The following CRAMP1 variants were observed in gnomAD, a reference collection of about 807,000 sequenced individuals.
CRAMP1 encodes cramped chromatin regulator 1.
Under a neutral mutation model 115.4 loss-of-function variants are expected in CRAMP1, and 50 were observed. The observed-to-expected ratio is 0.43, with a 90% CI of 0.35 to 0.55. CRAMP1 has a LOEUF of 0.55. Ranked by LOEUF, CRAMP1 falls within the 20% of genes least tolerant of loss-of-function variation. The pLI is 0.01. For synonymous variants in CRAMP1, 866 were observed against 745.4 expected (o/e 1.16, Z -2.64); for missense variants, 1,679 against 1,721.7 (o/e 0.98, Z 0.44).
intron 2 of CRAMP1, among the ~76,000 whole-genome samples, chr16:1,618,378 T>G (rs777167156): frequency 1.3e-5 from 2 of 152,200 alleles, no homozygotes; most frequent in Non-Finnish European, 2.9e-5. Context: ...TGCATGCAGC[T>G]TCAAGATTAC....
At chr16:1,643,231 G>A (rs1308092903) in intron 6 of CRAMP1, among the ~76,000 whole-genome samples, 1 of 152,138 alleles carries the variant, frequency 6.6e-6, no homozygotes, top group Non-Finnish European at 1.5e-5. Flanking sequence ...CAGAGGGAAA[G>A]TGCCTTCTGG....
chr16:1,625,856 T>G, intron 2 of CRAMP1, 117 bp from the exon 3 acceptor site: 2 of 1,012,546 alleles, frequency 2.0e-6, no homozygotes, highest in Non-Finnish European at 2.9e-6. Context: ...GCATCCTCGG[T>G]TGAGGAGTGT....
At chr16:1,618,737 G>A (rs1416249452) in intron 2 of CRAMP1, among the ~76,000 whole-genome samples, 1 of 152,198 alleles carries the variant, frequency 6.6e-6, no homozygotes, top group African/African-American at 2.4e-5. Context: ...TCTCATAAGA[G>A]ATTGTACCTG....
intron 6 of CRAMP1, among the ~76,000 whole-genome samples, chr16:1,643,019 T>G (rs1285361695): frequency 2.0e-5 from 3 of 152,134 alleles, no homozygotes; most frequent in Non-Finnish European, 4.4e-5. Context: ...TGGAGACACT[T>G]GACAAACAAA....
intron 3 of CRAMP1, among the ~76,000 whole-genome samples, chr16:1,627,046 C>T (rs1419051205): frequency 2.0e-5 from 3 of 152,110 alleles, no homozygotes; most frequent in East Asian, 1.9e-4. Context: ...ATTCTGTTGT[C>T]GTAAGTAACG....
At position 1,656,619 on chromosome 16, in the gene CRAMP1, C is replaced by A; in HGVS notation, c.1862C>A (p.Pro621His). Residue 621 changes from proline (P) to histidine (H), a missense_variant, in exon 10 of 21, where the codon CCC (proline) becomes CAC (histidine). Coordinates refer to ENST00000397412, the MANE Select transcript of CRAMP1 (RefSeq NM_020825.4). This position sits in a 1 kb window ranked among gnomAD's most constrained non-coding sequence, Gnocchi z 5.6. The part of the protein sequence containing the change: ...APTGPSPRPG[P>H]GLLLDVCTKD... ...ACTGGCCCATCCCCGAGGCCCGGCC[C>A]CGGGCTCCTGCTGGATGTTTGCACT... is the stretch of plus-strand genomic sequence containing the variant. 1 of 1,575,638 alleles carries A rather than the reference C, an allele frequency of 6.3e-7. No individual in the cohort carries two copies. The highest frequency in any genetic ancestry group is 1.2e-5 in the South Asian group (1 of 85,914).
chr16:1,656,534 G>C lies in CRAMP1; in HGVS notation c.1777G>C (p.Gly593Arg). ...RPGSEQPPLG[G>R]AASPEVLAPV... ...TGGGAGCGAGCAGCCCCCTCTGGGC[G>C]GGGCGGCCTCCCCAGAGGTGCTGGC... Residue 593 changes from glycine to arginine, a missense_variant, in exon 10 of 21, where the codon GGG becomes CGG. Gly to Arg is a moderately radical substitution (Grantham distance 125). This residue lies in a region of CRAMP1 where 405 missense variants were observed against 302.6 expected (regional missense o/e 1.34). Transcript: ENST00000397412. The surrounding 1 kb of genome is among the most constrained non-coding windows in gnomAD (Gnocchi z 5.6). The C allele has an allele frequency of 8.3e-6, 13 of 1,558,288 alleles. No individual in the cohort carries two copies. The highest frequency in any genetic ancestry group is 1.1e-5 in the Non-Finnish European group (13 of 1,151,750).
chr16:1,676,949 C>T lies in CRAMP1; in HGVS notation c.*2904C>T, dbSNP rs1189864226. 2 of 152,344 alleles carry T rather than the reference C, an allele frequency of 1.3e-5. No individual in the cohort carries two copies. The highest frequency in any genetic ancestry group is 1.9e-4 in the East Asian group (1 of 5,198). 9.4% of individuals were successfully genotyped at this position (152,344 alleles called of 1,614,324 possible). A position where few individuals can be genotyped will look rare whatever the true frequency, so the allele number is the denominator to read the frequency against. On this transcript the variant is annotated 3_prime_UTR_variant, in exon 21 of 21. Transcript: ENST00000397412. ...TTCTGGGCATGAGAGGCCGTGGCCT[C>T]ATTTCTGGTGGATAACCTTTTTAGT...
intron 20 of CRAMP1, 139 bp downstream of exon 20, chr16:1,670,948 G>A (rs1276278004): frequency 2.7e-6 from 2 of 748,904 alleles, no homozygotes; most frequent in Non-Finnish European, 4.3e-6. Context: ...TCCACACTCA[G>A]GTCCCTGACT....
rs746413493 is a variant in CRAMP1, at chr16:1,656,572, G to A, written c.1815G>A (p.Lys605=). 9.6e-6 allele frequency: 15 copies of A among 1,558,546 alleles called. No individual in the cohort carries two copies. Among genetic ancestry groups the A allele is most frequent in the South Asian group, 7.1e-5 (6 of 84,652 alleles). Residue 605 remains lysine (K), a synonymous_variant, in exon 10 of 21, where the codon AAG becomes AAA. Transcript: ENST00000397412. The surrounding 1 kb of genome is among the most constrained non-coding windows in gnomAD (Gnocchi z 5.6). ...CAGAGGTGCTGGCTCCTGTCAGCAA[G>A]GAGGCTGCTGACCTTGCTCCCACTG... ...ASPEVLAPVS[K]EAADLAPTGP...
chr16:1,617,605 C>T (rs779842930), intron 2 of CRAMP1, among the ~76,000 whole-genome samples: 10 of 152,238 alleles, frequency 6.6e-5, no homozygotes, highest in Non-Finnish European at 1.5e-4. Flanking sequence ...AGCTCAATCA[C>T]TGGCAGTTCC....
chr16:1,623,415 C>G (rs546975165), intron 2 of CRAMP1, among the ~76,000 whole-genome samples: 10 of 152,382 alleles, frequency 6.6e-5, no homozygotes, highest in African/African-American at 2.2e-4. Context: ...TACTGTTTCA[C>G]TCTCCTTGTC....
intron 4 of CRAMP1, 32 bp from the exon 5 acceptor site, chr16:1,637,790 CCT>C (rs2142182996): frequency 1.6e-6 from 2 of 1,240,734 alleles, no homozygotes; most frequent in East Asian, 5.4e-5. Context: ...CTCCTGTTCC[CCT>C]CTCTAAAGCC....
chr16:1,654,229 G>A (rs1331569313), intron 8 of CRAMP1, among the ~76,000 whole-genome samples: 2 of 144,800 alleles, frequency 1.4e-5, no homozygotes, highest in South Asian at 2.2e-4. Context: ...TTTTTTTTCC[G>A]AGATGGAGTC....
chr16:1,616,446 C>G (rs1331132469), intron 2 of CRAMP1, among the ~76,000 whole-genome samples: 2 of 152,184 alleles, frequency 1.3e-5, no homozygotes, highest in Admixed American at 1.3e-4. Context: ...TACTTCACCC[C>G]GTTGAAGTGC....
intron 8 of CRAMP1, among the ~76,000 whole-genome samples, chr16:1,654,943 C>T (rs955589538): frequency 3.3e-5 from 5 of 152,270 alleles, no homozygotes; most frequent in South Asian, 4.1e-4. Context: ...CCAGCACCCA[C>T]GCCCACGCCC....
rs370490453 is a variant in CRAMP1, at chr16:1,641,251, A to G, written c.827+64A>G. 101 of 1,210,230 alleles carry G rather than the reference A, an allele frequency of 8.3e-5. 1 individual carries two copies. Among genetic ancestry groups the G allele is most frequent in the Non-Finnish European group, 1.2e-4 (94 of 815,996 alleles). The allele number at this position is 1,210,230 out of a possible 1,614,324, so 75.0% of individuals were successfully genotyped here. ...GTGTTTTGTGTTTATTCTCTAAAAT[A>G]CAGAAGCTGAAATGCTCTCAGTGAG... On this transcript the variant is annotated intron_variant, in intron 6 of 20. Transcript: ENST00000397412.
At chr16:1,648,758 G>A (rs1250391290) in intron 6 of CRAMP1, among the ~76,000 whole-genome samples, 3 of 151,744 alleles carry the variant, frequency 2.0e-5, no homozygotes, top group Non-Finnish European at 4.4e-5. Context: ...GGTTAAGGTG[G>A]TTTAAGAATT....
Position 1,612,418 on chromosome 16 carries a change from C to G in CRAMP1, c.-241C>G, listed in dbSNP as rs1410217370. On this transcript the variant is annotated 5_prime_UTR_variant, in exon 1 of 21. Coordinates refer to ENST00000397412, the MANE Select transcript of CRAMP1 (RefSeq NM_020825.4). ...TGCTGAGGGCGGCGGGCCGGCTTCG[C>G]TAGGGTGAGTGGCGGCAGTATCTGC... The G allele has an allele frequency of 1.3e-5, 2 of 151,156 alleles. No homozygotes were observed. The highest frequency in any genetic ancestry group is 1.9e-4 in the East Asian group (1 of 5,166). 9.4% of individuals were successfully genotyped at this position (151,156 alleles called of 1,614,324 possible). A position where few individuals can be genotyped will look rare whatever the true frequency, so the allele number is the denominator to read the frequency against.
Sources: gnomAD v4.1 joint callset for allele counts (sites outside exome capture counted in the v4.1 genomes callset) on GRCh38, gnomAD v4.1.1 for gene constraint, gnomAD v4.1.1 regional missense constraint, Gnocchi (gnomAD v3.1) non-coding constraint, MANE v1.5 for transcripts, NCBI Gene and HGNC (gene_info 2026-07-23, HGNC 2026-07-21) for gene names.